The following ESRRG variants were observed in gnomAD, a reference collection of about 807,000 sequenced individuals.
ESRRG encodes estrogen-related receptor gamma.
ESRRG carries 13 observed loss-of-function variants against 44.0 expected under a neutral mutation model. That is an observed-to-expected ratio of 0.30 (90% CI 0.19 to 0.47). ESRRG has a LOEUF of 0.47. ESRRG is among the 20% of genes least tolerant of loss of function. ESRRG has a pLI of 1.00. For missense variants in ESRRG, 395 were observed against 580.6 expected (o/e 0.68, Z 3.29); for synonymous variants, 215 against 214.6 (o/e 1.00, Z -0.02).
chr1:216,947,088 T>C (rs12239233), intron 1 of ESRRG, among the ~76,000 whole-genome samples: 96 of 152,326 alleles, frequency 6.3e-4, no homozygotes, highest in African/African-American at 2.3e-3. Flanking sequence ...ATCTATTTTT[T>C]TTAATCACCA....
At chr1:216,760,375 T>C (rs1169697011) in intron 2 of ESRRG, among the ~76,000 whole-genome samples, 1 of 151,820 alleles carries the variant, frequency 6.6e-6, no homozygotes, top group Admixed American at 6.6e-5. Context: ...TATATGTGTA[T>C]ATATATATGA....
chr1:216,866,453 G>A (rs752448180), intron 2 of ESRRG, among the ~76,000 whole-genome samples: 13 of 152,140 alleles, frequency 8.5e-5, no homozygotes, highest in Non-Finnish European at 1.3e-4. Context: ...TAGTTTCTAC[G>A]GAAGATCTAC....
chr1:216,845,261 G>C (rs2095724365), intron 2 of ESRRG, among the ~76,000 whole-genome samples: 1 of 152,146 alleles, frequency 6.6e-6, no homozygotes, highest in Admixed American at 6.6e-5. Flanking sequence ...TTGGCATGTA[G>C]AAGGAGTACC....
chr1:216,648,383 G>C (rs751627821), intron 3 of ESRRG, among the ~76,000 whole-genome samples: 2 of 152,074 alleles, frequency 1.3e-5, no homozygotes, highest in Non-Finnish European at 2.9e-5. Context: ...AGAAGTAAAG[G>C]AAAATAAATT....
At chr1:217,044,093 C>G (rs2084395951) in intron 1 of ESRRG, among the ~76,000 whole-genome samples, 1 of 152,064 alleles carries the variant, frequency 6.6e-6, no homozygotes, top group African/African-American at 2.4e-5. Context: ...TTGAATAAGG[C>G]AATAATTGGC....
At chr1:216,799,456 T>C (rs898435968) in intron 2 of ESRRG, among the ~76,000 whole-genome samples, 2 of 147,812 alleles carry the variant, frequency 1.4e-5, no homozygotes, top group Admixed American at 6.8e-5. Context: ...TTATAATCAC[T>C]CAAGCAGGGA....
chr1:216,873,879 GAGGGAAGGGAAGGGAAGGGAAGGGA>G lies in ESRRG; in HGVS notation c.-14+65678_-14+65702del, dbSNP rs78657500. Among the ~76,000 whole-genome samples the G allele has an allele frequency of 1.5e-3, 56 of 37,782 alleles. 1 individual carries two copies. Among genetic ancestry groups the G allele is most frequent in the African/African-American group, 5.0e-3 (53 of 10,624 alleles). 24.8% of individuals were successfully genotyped at this position (37,782 alleles called of 152,430 possible). ...AAGAAGAGACGGACAGGAGAGAAGG[GAGGGAAGGGAAGGGAAGGGAAGGGA>G]AGGGAAGGGAAGGGAAGGGAAGGGA... On this transcript the variant is annotated intron_variant, in intron 2 of 7. Transcript: ENST00000359162.
chr1:216,618,223 C>T (rs1278609830), intron 3 of ESRRG, among the ~76,000 whole-genome samples: 1 of 152,164 alleles, frequency 6.6e-6, no homozygotes, highest in East Asian at 1.9e-4. Context: ...ATTACACTTG[C>T]CCTCAAAAGA....
rs549780244 is a variant in ESRRG at position 216,832,129 on chromosome 1, T to C, written c.-14+107453A>G. ...TGTCTTATGAGCAAGCGCTACACAA[T>C]AGCTCATTTACAATGAATCATTGTA... On this transcript the variant is annotated intron_variant, in intron 2 of 7. Transcript: ENST00000359162. Among the ~76,000 whole-genome samples the C allele has an allele frequency of 3.3e-5, 5 of 152,292 alleles. No homozygotes were observed. The East Asian group carries it at 9.6e-4, about 29-fold the overall frequency.
intron 1 of ESRRG, among the ~76,000 whole-genome samples, chr1:217,071,260 AAAAC>A (rs1184113363): frequency 2.6e-5 from 4 of 152,196 alleles, no homozygotes; most frequent in Non-Finnish European, 5.9e-5. Context: ...AAAAAAACAA[AAAAC>A]AAACAAACAA....
intron 3 of ESRRG, among the ~76,000 whole-genome samples, chr1:216,621,787 A>C (rs1183923374): frequency 6.6e-6 from 1 of 152,200 alleles, no homozygotes; most frequent in African/African-American, 2.4e-5. Context: ...TGCTCCTTCC[A>C]ACAATATTCC....
At chr1:216,877,217 A>T (rs1330325979) in intron 2 of ESRRG, among the ~76,000 whole-genome samples, 1 of 152,094 alleles carries the variant, frequency 6.6e-6, no homozygotes, top group Non-Finnish European at 1.5e-5. Flanking sequence ...GATAGTAATC[A>T]TCTCTAACCC....
At chr1:217,120,804 C>T (rs1287072171) in intron 1 of ESRRG, among the ~76,000 whole-genome samples, 1 of 152,170 alleles carries the variant, frequency 6.6e-6, no homozygotes, top group Non-Finnish European at 1.5e-5. Context: ...AGTAGGCCTC[C>T]TATAATGGAC....
chr1:216,669,963 T>A (rs777207636), intron 2 of ESRRG, among the ~76,000 whole-genome samples: 1 of 152,212 alleles, frequency 6.6e-6, no homozygotes, highest in African/African-American at 2.4e-5. Context: ...TATATTTAAT[T>A]TAACACTGCA....
chr1:216,572,171 T>C (rs1022481485), intron 3 of ESRRG, among the ~76,000 whole-genome samples: 32 of 152,150 alleles, frequency 2.1e-4, no homozygotes, highest in Non-Finnish European at 4.1e-4. Context: ...CCTGATTTCA[T>C]GCTTGGTGAA....
intron 2 of ESRRG, among the ~76,000 whole-genome samples, chr1:216,935,616 A>G (rs2064005411): frequency 6.7e-6 from 1 of 149,060 alleles, no homozygotes. Flanking sequence ...CCCACAGTTT[A>G]GGAATTTTTT....
chr1:216,986,761 A>T (rs1411820578), intron 1 of ESRRG, among the ~76,000 whole-genome samples: 3 of 151,976 alleles, frequency 2.0e-5, no homozygotes, highest in Non-Finnish European at 4.4e-5. Context: ...AAAGAAGAAA[A>T]AGGGCTTGAA....
chr1:217,116,988 C>T (rs2092738851), intron 1 of ESRRG, among the ~76,000 whole-genome samples: 1 of 152,124 alleles, frequency 6.6e-6, no homozygotes, highest in Admixed American at 6.5e-5. Context: ...GTAAAAAATG[C>T]TTACCTTATA....
intron 2 of ESRRG, among the ~76,000 whole-genome samples, chr1:216,813,665 G>A (rs1000747448): frequency 1.3e-5 from 2 of 152,180 alleles, no homozygotes; most frequent in African/African-American, 2.4e-5. Context: ...TGGTGAAATA[G>A]TAAAACCTGC....
Sources: gnomAD v4.1 joint callset for allele counts (sites outside exome capture counted in the v4.1 genomes callset) on GRCh38, gnomAD v4.1.1 for gene constraint, MANE v1.5 for transcripts, NCBI Gene and HGNC (gene_info 2026-07-23, HGNC 2026-07-21) for gene names.